Variants in SBF2 observed in about 807,000 individuals in gnomAD.
The protein encoded by SBF2 is SET binding factor 2.
A neutral mutation model predicts 225.2 loss-of-function variants in SBF2; 112 were observed. The ratio of observed to expected loss-of-function variants is 0.50; its 90% confidence interval spans 0.43 to 0.58. The LOEUF is 0.58. Among genes scored for constraint, SBF2 ranks in the 20% least tolerant of loss-of-function variants. The pLI is 0.00. For missense variants in SBF2, 1,996 were observed against 2,206.2 expected, an observed-to-expected ratio of 0.90 and a Z score of 1.91; for synonymous variants, 763 against 773.3, an observed-to-expected ratio of 0.99 and a Z score of 0.22.
At chr11:9,905,366 G>T (rs1862040430) in intron 16 of SBF2, among the ~76,000 whole-genome samples, 1 of 152,180 alleles carries the variant, frequency 6.6e-6, no homozygotes, top group Non-Finnish European at 1.5e-5. Flanking sequence ...AAAGCTGAAA[G>T]AACAGTAGAA....
chr11:10,177,862 C>A, intron 2 of SBF2, among the ~76,000 whole-genome samples: 1 of 149,162 alleles, frequency 6.7e-6, no homozygotes, highest in African/African-American at 2.5e-5. Context: ...CATATGGAAC[C>A]AAAAAAGAGC....
chr11:9,973,098 T>C (rs1247780095), intron 13 of SBF2, among the ~76,000 whole-genome samples: 1 of 152,212 alleles, frequency 6.6e-6, no homozygotes, highest in Non-Finnish European at 1.5e-5. Flanking sequence ...GCATGATAAA[T>C]GTAAAGGACC....
At chr11:9,985,118 T>C (rs1279315825) in intron 13 of SBF2, among the ~76,000 whole-genome samples, 1 of 152,156 alleles carries the variant, frequency 6.6e-6, no homozygotes, top group Non-Finnish European at 1.5e-5. Flanking sequence ...TAACATTGAA[T>C]GTAAATGACC....
At chr11:10,074,613 C>T (rs1951025333) in intron 2 of SBF2, among the ~76,000 whole-genome samples, 1 of 152,198 alleles carries the variant, frequency 6.6e-6, no homozygotes, top group Middle Eastern at 3.4e-3. Context: ...TTTACTTAGG[C>T]TGATTAAAAA....
chr11:10,099,953 A>G (rs1952202861), intron 2 of SBF2, among the ~76,000 whole-genome samples: 1 of 152,228 alleles, frequency 6.6e-6, no homozygotes, highest in Non-Finnish European at 1.5e-5. Context: ...CCTACAAAGC[A>G]GCAGGAAAAA....
intron 1 of SBF2, among the ~76,000 whole-genome samples, chr11:10,252,180 C>T (rs1960417703): frequency 6.6e-6 from 1 of 152,222 alleles, no homozygotes; most frequent in African/African-American, 2.4e-5. Flanking sequence ...ACTCACTGTT[C>T]TACTATTTCC....
At chr11:9,932,975 A>C (rs990556306) in intron 16 of SBF2, among the ~76,000 whole-genome samples, 7 of 149,934 alleles carry the variant, frequency 4.7e-5, no homozygotes, top group South Asian at 4.2e-4. Context: ...AAAAAAAAAA[A>C]AAAAAAAAAA....
intron 14 of SBF2, among the ~76,000 whole-genome samples, chr11:9,964,304 T>G (rs1378560114): frequency 6.6e-6 from 1 of 152,300 alleles, no homozygotes; most frequent in East Asian, 1.9e-4. Context: ...TTTTCCCTTA[T>G]TACAGAGCAT....
chr11:9,869,930 G>C (rs1299068375), intron 17 of SBF2, among the ~76,000 whole-genome samples: 3 of 152,120 alleles, frequency 2.0e-5, no homozygotes, highest in Non-Finnish European at 4.4e-5. Flanking sequence ...TTTGCTGATG[G>C]CATGGTCCTA....
At chr11:9,801,511 A>C (rs560834109) in intron 32 of SBF2, among the ~76,000 whole-genome samples, 19 of 152,338 alleles carry the variant, frequency 1.2e-4, no homozygotes, top group Admixed American at 4.6e-4. Context: ...TCAGAATTAT[A>C]AATATTGAGC....
intron 6 of SBF2, among the ~76,000 whole-genome samples, chr11:10,018,513 G>T (rs575390887): frequency 6.6e-6 from 1 of 152,214 alleles, no homozygotes; most frequent in East Asian, 1.9e-4. Flanking sequence ...TTTGTGACAA[G>T]GAAGAACGAT....
chr11:9,863,751 TCTC>T (rs780195453), intron 17 of SBF2, among the ~76,000 whole-genome samples: 9 of 140,838 alleles, frequency 6.4e-5, no homozygotes, highest in Non-Finnish European at 7.9e-5. Context: ...CCTCCCTCTC[TCTC>T]TTTTTTTTTT....
chr11:9,982,637 T>C (rs957722346), intron 13 of SBF2, among the ~76,000 whole-genome samples: 4 of 152,130 alleles, frequency 2.6e-5, no homozygotes, highest in African/African-American at 7.2e-5. Flanking sequence ...GAGGCTTGCA[T>C]TGTGAGTTTC....
In SBF2 at chr11:9,808,947, G is replaced by C; in HGVS notation, c.4211C>G (p.Ser1404Cys). Reference protein sequence around the residue: ...VVVSEVLENGSSVLVCLEEGW... With the variant: ...VVVSEVLENGCSVLVCLEEGW... ...TTCCTCCAAACAGACCAAAACTGAG[G>C]AACCATTCTCAAGTACTTCTGATAC... Residue 1404 changes from serine to cysteine, a missense_variant, in exon 31 of 40, where the codon TCC (serine) becomes TGC (cysteine). By Grantham distance (112) the Ser-to-Cys change is moderately radical (BLOSUM62 -1). Transcript: ENST00000256190. The C allele has an allele frequency of 6.2e-7, 1 of 1,614,064 alleles. No individual in the cohort carries two copies. The highest frequency in any genetic ancestry group is 8.5e-7 in the Non-Finnish European group (1 of 1,179,966).
In SBF2 at chr11:9,858,321, A is replaced by C. The variant is rs1404391761; in HGVS notation, c.2005T>G (p.Trp669Gly). The part of the protein sequence containing the change: ...DHPIWTNQQF[W>G]ETTFYNAVQE... Reference sequence around the variant, plus strand: ...ACTGCATTGTAAAAGGTTGTCTCCCAAAATTGCTGATTTGTCCAAATGGGG... The same window carrying C: ...ACTGCATTGTAAAAGGTTGTCTCCCCAAATTGCTGATTTGTCCAAATGGGG... Residue 669 changes from tryptophan (W) to glycine (G), a missense_variant, in exon 18 of 40, where the codon TGG (tryptophan) becomes GGG (glycine). Coordinates refer to ENST00000256190, the MANE Select transcript of SBF2 (RefSeq NM_030962.4). The C allele has an allele frequency of 6.2e-7, 1 of 1,614,216 alleles. No individual in the cohort carries two copies. The highest frequency in any genetic ancestry group is 1.7e-5 in the Admixed American group (1 of 60,030).
At chr11:9,786,239 GT>G (rs1175114111) in intron 36 of SBF2, among the ~76,000 whole-genome samples, 1 of 152,156 alleles carries the variant, frequency 6.6e-6, no homozygotes, top group Non-Finnish European at 1.5e-5. Context: ...AAAATAGTAT[GT>G]CTAGAAAATC....
intron 2 of SBF2, among the ~76,000 whole-genome samples, chr11:10,150,739 A>T (rs1222678928): frequency 6.6e-6 from 1 of 152,138 alleles, no homozygotes; most frequent in Non-Finnish European, 1.5e-5. Flanking sequence ...TACCTGGATA[A>T]AACAGTAAAG....
chr11:9,996,374 A>G (rs1947701115), intron 9 of SBF2, among the ~76,000 whole-genome samples: 1 of 152,008 alleles, frequency 6.6e-6, no homozygotes, highest in African/African-American at 2.4e-5. Context: ...TCTTTAAATC[A>G]ACTCACCTTC....
chr11:10,237,410 C>A (rs549758100), intron 1 of SBF2, among the ~76,000 whole-genome samples: 1 of 152,086 alleles, frequency 6.6e-6, no homozygotes, highest in Non-Finnish European at 1.5e-5. Flanking sequence ...TGTTAAATAC[C>A]TGATGCTTGG....
Sources: allele counts gnomAD v4.1 joint callset (sites outside exome capture counted in the v4.1 genomes callset), GRCh38; gene constraint gnomAD v4.1.1; transcripts MANE v1.5; gene names NCBI Gene and HGNC (gene_info 2026-07-23, HGNC 2026-07-21).